The following PCDHGB2 variants were observed in gnomAD, a reference collection of about 807,000 sequenced individuals.
PCDHGB2 encodes protocadherin gamma subfamily B, 2, also known as protocadherin gamma-B2.
In PCDHGB2, 55 loss-of-function variants were observed where a neutral mutation model predicts 59.3. That is an observed-to-expected ratio of 0.93 (90% CI 0.75 to 1.16). The LOEUF is 1.16. Among genes scored for constraint, PCDHGB2 ranks in the 50% most tolerant of loss-of-function variants. PCDHGB2 has a pLI of 0.00. For missense variants in PCDHGB2, 1,228 were observed against 1,198.5 expected, an observed-to-expected ratio of 1.02 and a Z score of -0.36; for synonymous variants, 516 against 512.0, an observed-to-expected ratio of 1.01 and a Z score of -0.11.
intron 1 of PCDHGB2, among the ~76,000 whole-genome samples, chr5:141,471,706 A>G (rs2099262749): frequency 6.6e-6 from 1 of 152,212 alleles, no homozygotes; most frequent in African/African-American, 2.4e-5. Context: ...CTGGAATAGA[A>G]GTGCCACTTA....
At position 141,365,950 on chromosome 5, in the gene PCDHGB2, T is replaced by C. The variant is rs376201402; in HGVS notation, c.2421+3394T>C. On this transcript the variant is annotated intron_variant, in intron 1 of 3. Coordinates refer to ENST00000522605, the MANE Select transcript of PCDHGB2 (RefSeq NM_018923.3). Reference sequence around the variant, plus strand: ...TGACAGCCAGCGACAGTGGGAACCCTCCACTTAGCAGCAACGTGTCGCTGA... The same window carrying C: ...TGACAGCCAGCGACAGTGGGAACCCCCCACTTAGCAGCAACGTGTCGCTGA... The C allele has an allele frequency of 2.5e-6, 4 of 1,614,078 alleles. No individual in the cohort carries two copies. In the African/African-American group the frequency reaches 5.3e-5, roughly 22 times the overall value.
At chr5:141,386,978 T>C (rs1267866332) in intron 1 of PCDHGB2, among the ~76,000 whole-genome samples, 1 of 152,172 alleles carries the variant, frequency 6.6e-6, no homozygotes, top group Non-Finnish European at 1.5e-5. Flanking sequence ...GACTTTGTGT[T>C]TTGAGGCTAT....
At chr5:141,456,593 G>C (rs917316601) in intron 1 of PCDHGB2, among the ~76,000 whole-genome samples, 2 of 152,168 alleles carry the variant, frequency 1.3e-5, no homozygotes, top group African/African-American at 4.8e-5. Flanking sequence ...CAATAATTTT[G>C]ATTTGATTTT....
At chr5:141,420,010 GTC>G in intron 1 of PCDHGB2, 1 of 1,614,088 alleles carries the variant, frequency 6.2e-7, no homozygotes, top group South Asian at 1.1e-5. Context: ...GCCTGCGACA[GTC>G]TTTCAGCCCT....
chr5:141,414,778 C>T (rs1346896593), intron 1 of PCDHGB2: 12 of 1,614,202 alleles, frequency 7.4e-6, no homozygotes, highest in Non-Finnish European at 1.0e-5. Context: ...GCTACAGATG[C>T]AGGTGACAGC....
chr5:141,416,233 C>T (rs1313671195), intron 1 of PCDHGB2: 1 of 152,210 alleles, frequency 6.6e-6, no homozygotes, highest in Non-Finnish European at 1.5e-5. Flanking sequence ...ATTTTTCCAG[C>T]CCTATTTATA....
intron 1 of PCDHGB2, among the ~76,000 whole-genome samples, chr5:141,449,041 C>T (rs998143732): frequency 3.3e-5 from 5 of 152,126 alleles, no homozygotes; most frequent in Admixed American, 3.3e-4. Flanking sequence ...GATTATTAAC[C>T]AGTCTCATAA....
intron 1 of PCDHGB2, among the ~76,000 whole-genome samples, chr5:141,435,375 A>G (rs80179854): frequency 0.034 from 5,131 of 152,264 alleles, 102 homozygotes; most frequent in Middle Eastern, 0.088. Flanking sequence ...TTAAATATAC[A>G]ATATACCGTA....
Position 141,478,294 on chromosome 5 carries a change from A to G in PCDHGB2, c.2422-16513A>G, listed in dbSNP as rs147994096. The G allele has an allele frequency of 3.6e-3, 5,805 of 1,614,110 alleles. 30 individuals are homozygous for G. Among genetic ancestry groups the G allele is most frequent in the Non-Finnish European group, 3.4e-3 (4,026 of 1,180,032 alleles). The stretch of plus-strand genomic sequence containing the variant: ...ACAAGTGGAAGCAGTCTAGAGACCT[A>G]TACCGAGCCCCGGTGAGCTCACTGT... On this transcript the variant is annotated intron_variant, in intron 1 of 3. Coordinates refer to ENST00000522605, the MANE Select transcript of PCDHGB2 (RefSeq NM_018923.3).
intron 1 of PCDHGB2, among the ~76,000 whole-genome samples, chr5:141,407,414 C>T (rs1190741475): frequency 6.6e-6 from 1 of 152,156 alleles, no homozygotes; most frequent in Non-Finnish European, 1.5e-5. Flanking sequence ...TTCGATACCA[C>T]AAAAATGTCT....
intron 1 of PCDHGB2, chr5:141,442,535 A>C (rs2098331560): frequency 6.6e-6 from 1 of 152,240 alleles, no homozygotes; most frequent in Non-Finnish European, 1.5e-5. Flanking sequence ...CTCCAAGGTG[A>C]AAAATTCTTG....
At chr5:141,481,607 C>A (rs2099540195) in intron 1 of PCDHGB2, among the ~76,000 whole-genome samples, 1 of 152,158 alleles carries the variant, frequency 6.6e-6, no homozygotes, top group Admixed American at 6.5e-5. Flanking sequence ...CACCTGAGGC[C>A]AGGAGTTCAA....
intron 1 of PCDHGB2, among the ~76,000 whole-genome samples, chr5:141,470,752 C>T (rs1427502169): frequency 6.6e-6 from 1 of 152,178 alleles, no homozygotes; most frequent in Non-Finnish European, 1.5e-5. Flanking sequence ...GGCTGGAGTG[C>T]AGTGGACTCA....
chr5:141,393,799 G>C lies in PCDHGB2; in HGVS notation c.2421+31243G>C, dbSNP rs2092846945. ...GCCGAAGATGTGGGGGCACTTCTGG[G>C]GAGGACCAAATTGCTCATTTCGGTG... On this transcript the variant is annotated intron_variant, in intron 1 of 3. Transcript: ENST00000522605. 2.5e-6 allele frequency: 4 copies of C among 1,613,802 alleles called. No homozygotes were observed. The highest frequency in any genetic ancestry group is 2.5e-6 in the Non-Finnish European group (3 of 1,179,888).
chr5:141,423,335 G>T (rs781241820), intron 1 of PCDHGB2: 11 of 1,614,046 alleles, frequency 6.8e-6, no homozygotes, highest in Non-Finnish European at 9.3e-6. Context: ...GCAGTCTCCT[G>T]CATCTTCCTG....
At chr5:141,453,586 C>T (rs1409763264) in intron 1 of PCDHGB2, among the ~76,000 whole-genome samples, 1 of 152,204 alleles carries the variant, frequency 6.6e-6, no homozygotes, top group Non-Finnish European at 1.5e-5. Context: ...GGTTTATCCT[C>T]ACTGTGTTTC....
Position 141,431,141 on chromosome 5 carries a change from G to T in PCDHGB2, c.2422-63666G>T. 1.2e-6 allele frequency: 2 copies of T among 1,614,212 alleles called. No homozygotes were observed. Among genetic ancestry groups the T allele is most frequent in the South Asian group, 1.1e-5 (1 of 91,084 alleles). On this transcript the variant is annotated intron_variant, in intron 1 of 3. Coordinates refer to ENST00000522605, the MANE Select transcript of PCDHGB2 (RefSeq NM_018923.3). This position sits in a 1 kb window ranked among gnomAD's most constrained non-coding sequence, Gnocchi z 4.8. ...AGAAGTAGAAGTAAGGGACATTAACGACAATGCGCCTTACTTTCGTGAAAG... is the reference window on the plus strand; with the variant it reads ...AGAAGTAGAAGTAAGGGACATTAACTACAATGCGCCTTACTTTCGTGAAAG...
chr5:141,491,414 G>T lies in PCDHGB2; in HGVS notation c.2422-3393G>T, dbSNP rs137987971. ...CTTCAGGGAAACGCAGACGGGGACGGGGGTGGAGGGCAGTGCTGCAGGCGC... is the reference window on the plus strand; with the variant it reads ...CTTCAGGGAAACGCAGACGGGGACGTGGGTGGAGGGCAGTGCTGCAGGCGC... On this transcript the variant is annotated intron_variant, in intron 1 of 3. Coordinates refer to ENST00000522605, the MANE Select transcript of PCDHGB2 (RefSeq NM_018923.3). The surrounding 1 kb of genome is among the most constrained non-coding windows in gnomAD (Gnocchi z 6.9). 1.9e-6 allele frequency: 3 copies of T among 1,614,008 alleles called. No homozygotes were observed. Among genetic ancestry groups the T allele is most frequent in the Non-Finnish European group, 2.5e-6 (3 of 1,180,030 alleles).
intron 1 of PCDHGB2, chr5:141,403,714 C>A: frequency 1.2e-6 from 2 of 1,613,910 alleles, no homozygotes; most frequent in South Asian, 1.1e-5. Context: ...TCCTTGAGAA[C>A]GTGCCCCCAG....
Sources: gnomAD v4.1 joint callset for allele counts (sites outside exome capture counted in the v4.1 genomes callset) on GRCh38, gnomAD v4.1.1 for gene constraint, Gnocchi (gnomAD v3.1) non-coding constraint, MANE v1.5 for transcripts, NCBI Gene and HGNC (gene_info 2026-07-23, HGNC 2026-07-21) for gene names.